Variants in ACLY observed in about 807,000 individuals in gnomAD.
The protein encoded by ACLY is ATP-citrate synthase.
A neutral mutation model predicts 133.0 loss-of-function variants in ACLY; 41 were observed. That is an observed-to-expected ratio of 0.31 (90% CI 0.24 to 0.40). The LOEUF (loss-of-function observed/expected upper bound fraction) is 0.40, where lower values mean the gene tolerates loss of function less well. Ranked by LOEUF, ACLY falls within the 10% of genes least tolerant of loss-of-function variation. The probability of loss-of-function intolerance (pLI) is 1.00; values close to 1 mark genes in which losing one functional copy is unlikely to be tolerated. For missense variants in ACLY, 1,046 were observed against 1,453.8 expected (o/e 0.72, Z 4.56); for synonymous variants, 495 against 549.3 (o/e 0.90, Z 1.38).
rs782687474 is a variant in ACLY, at chr17:41,887,610, C to T, written c.1864G>A (p.Gly622Arg). 1.9e-6 allele frequency: 3 copies of T among 1,613,514 alleles called. No individual in the cohort carries two copies. Among genetic ancestry groups the T allele is most frequent in the Non-Finnish European group, 1.7e-6 (2 of 1,179,726 alleles). ...KADQKGVTII[G>R]PATVGGIKPG... Reference sequence around the variant, plus strand: ...GAGGGGAAGCTCACAGTGGCAGGTCCGATGATGGTCACTCCCTTCTGGTCC... The same window carrying T: ...GAGGGGAAGCTCACAGTGGCAGGTCTGATGATGGTCACTCCCTTCTGGTCC... Residue 622 changes from glycine (G) to arginine (R), a missense_variant, in exon 17 of 29, where the codon GGA (glycine) becomes AGA (arginine). Gly to Arg is a moderately radical substitution (Grantham distance 125). Around this residue, in one of 4 missense-constraint regions of ACLY, gnomAD observed 575 missense variants for 804.2 expected, o/e 0.71. Transcript: ENST00000352035.
chr17:41,901,578 C>T (rs1598021601), intron 11 of ACLY, 118 bp downstream of exon 11: 1 of 836,878 alleles, frequency 1.2e-6, no homozygotes, highest in Non-Finnish European at 1.9e-6. Context: ...AAACTGCACA[C>T]CCAGGAAGGG....
At position 41,926,932 on chromosome 17, in the gene ACLY, G is replaced by A. The variant is rs570496063; in HGVS notation, c.-28+3426C>T. Among the ~76,000 whole-genome samples the A allele has an allele frequency of 8.6e-5, 13 of 151,904 alleles. No homozygotes were observed. The South Asian group carries it at 1.9e-3, about 22-fold the overall frequency. On this transcript the variant is annotated intron_variant, in intron 1 of 3. Coordinates refer to the ACLY transcript ENST00000592970. ...TGCCCAGGCTGGAGTGCAATGGCAC[G>A]ATCTTGGCTCATCACAACCTCCGCC... is the stretch of plus-strand genomic sequence containing the variant.
chr17:41,885,036 A>T (rs1001513611), intron 18 of ACLY, among the ~76,000 whole-genome samples: 4 of 151,054 alleles, frequency 2.6e-5, no homozygotes, highest in Admixed American at 1.3e-4. Flanking sequence ...CATCCGGCTA[A>T]TTTTTTTTTG....
Position 41,893,052 on chromosome 17 carries a change from C to A in ACLY, c.1582G>T (p.Ala528Ser). The A allele has an allele frequency of 1.2e-6, 2 of 1,613,786 alleles. No homozygotes were observed. The highest frequency in any genetic ancestry group is 2.2e-5 in the South Asian group (2 of 91,012). ...ACTCACGTGAAAGGGTAGACCATGG[C>A]AGCCACTGAGGGCTCGTCTCGGGAG... The part of the protein sequence containing the change: ...VCSRDEPSVA[A>S]MVYPFTGDHK... The change falls in exon 15 of 29, where the codon GCC (alanine) becomes TCC (serine). Residue 528 changes from alanine (A) to serine (S), a missense_variant. This residue lies in a region of ACLY where 575 missense variants were observed against 804.2 expected (regional missense o/e 0.71). Coordinates refer to ENST00000352035, the MANE Select transcript of ACLY (RefSeq NM_001096.3).
intron 25 of ACLY, among the ~76,000 whole-genome samples, chr17:41,869,797 A>G (rs1443382015): frequency 6.6e-6 from 1 of 152,178 alleles, no homozygotes; most frequent in African/African-American, 2.4e-5. Context: ...GACACAAAAC[A>G]ACCTTGGTAG....
chr17:41,874,081 C>G (rs2048667783), intron 22 of ACLY, 116 bp from the exon 23 acceptor site: 1 of 1,115,964 alleles, frequency 9.0e-7, no homozygotes, highest in Non-Finnish European at 1.2e-6. Flanking sequence ...GTCGTAAACT[C>G]TGGCAGCCAA....
chr17:41,908,157 A>G (rs2049782531), intron 6 of ACLY, among the ~76,000 whole-genome samples: 1 of 152,208 alleles, frequency 6.6e-6, no homozygotes, highest in South Asian at 2.1e-4. Context: ...GAGGGGCTGC[A>G]TCCTCAGCTG....
At chr17:41,925,616 T>C (rs2050234374) in intron 1 of ACLY, among the ~76,000 whole-genome samples, 1 of 151,748 alleles carries the variant, frequency 6.6e-6, no homozygotes, top group South Asian at 2.1e-4. Context: ...AAATAAATAA[T>C]AAATAAATAA....
At chr17:41,873,367 GA>G (rs1269682469) in intron 23 of ACLY, among the ~76,000 whole-genome samples, 1 of 152,086 alleles carries the variant, frequency 6.6e-6, no homozygotes, top group Non-Finnish European at 1.5e-5. Flanking sequence ...TTTTAGTAGA[GA>G]TGGGGTTTCA....
intron 11 of ACLY, among the ~76,000 whole-genome samples, chr17:41,901,034 A>T (rs1298567234): frequency 6.6e-5 from 10 of 151,456 alleles, no homozygotes; most frequent in African/African-American, 9.7e-5. Flanking sequence ...GGCTCACTGC[A>T]GCCTCAACCT....
At chr17:41,925,238 C>T (rs2050228886) in intron 1 of ACLY, among the ~76,000 whole-genome samples, 1 of 151,332 alleles carries the variant, frequency 6.6e-6, no homozygotes, top group Non-Finnish European at 1.5e-5. Flanking sequence ...CAACTGCCCT[C>T]CACCCTGGGC....
At chr17:41,889,264 A>AT (rs1236500684) in intron 16 of ACLY, among the ~76,000 whole-genome samples, 7 of 152,036 alleles carry the variant, frequency 4.6e-5, no homozygotes, top group African/African-American at 1.7e-4. Context: ...CACGCCTGTA[A>AT]TATCAGCACT....
In ACLY at chr17:41,896,632, T is replaced by C; in HGVS notation, c.1447A>G (p.Arg483Gly). 1.3e-6 allele frequency: 2 copies of C among 1,570,756 alleles called. No individual in the cohort carries two copies. The highest frequency in any genetic ancestry group is 1.7e-6 in the Non-Finnish European group (2 of 1,157,656). The change falls in exon 14 of 29, where the codon AGA becomes GGA. Residue 483 changes from arginine to glycine, a missense_variant. This residue lies in a region of ACLY where 575 missense variants were observed against 804.2 expected (regional missense o/e 0.71). Transcript: ENST00000352035. The stretch of plus-strand genomic sequence containing the variant: ...GGGGGCATCCTACCTTGCAGGGATC[T>C]TGGACTTGGGACTGAATCTGTCAAA... ...AMPQDSVPSP[R>G]SLQGKSTTLF...
chr17:41,872,758 T>A lies in ACLY; in HGVS notation c.2643-576A>T, dbSNP rs113543903. On this transcript the variant is annotated intron_variant, in intron 23 of 28. Coordinates refer to ENST00000352035, the MANE Select transcript of ACLY (RefSeq NM_001096.3). ...TGTGGCTATGCTCCATGTGCCAGAC[T>A]GACAGGAGGTGAGAACCCTGTCCCT... is the stretch of plus-strand genomic sequence containing the variant. 9.8e-4 allele frequency among the ~76,000 whole-genome samples: 149 copies of A among 152,358 alleles called. 2 individuals are homozygous for A. The highest frequency in any genetic ancestry group is 3.4e-3 in the African/African-American group (141 of 41,574).
chr17:41,905,727 G>T, intron 8 of ACLY, 69 bp from the exon 9 acceptor site: 1 of 1,587,840 alleles, frequency 6.3e-7, no homozygotes, highest in Non-Finnish European at 8.6e-7. Context: ...TGGTGCCTGG[G>T]AGGACACACG....
At chr17:41,908,082 C>A (rs2049779585) in intron 6 of ACLY, among the ~76,000 whole-genome samples, 1 of 152,142 alleles carries the variant, frequency 6.6e-6, no homozygotes. Context: ...CACTGGACAC[C>A]CATCTTCCTC....
intron 18 of ACLY, among the ~76,000 whole-genome samples, chr17:41,885,086 C>T (rs543258388): frequency 3.0e-4 from 45 of 152,198 alleles, no homozygotes; most frequent in African/African-American, 1.1e-3. Flanking sequence ...GACTGTGTTG[C>T]CTCAGCTAGT....
chr17:41,868,329 T>G (rs1597959114), intron 28 of ACLY, among the ~76,000 whole-genome samples: 1 of 149,776 alleles, frequency 6.7e-6, no homozygotes, highest in Non-Finnish European at 1.5e-5. Context: ...TCCCAGCTGC[T>G]TGGGAGGCTG....
At chr17:41,905,192 G>C (rs1443932240) in intron 9 of ACLY, among the ~76,000 whole-genome samples, 1 of 152,190 alleles carries the variant, frequency 6.6e-6, no homozygotes, top group Admixed American at 6.5e-5. Flanking sequence ...GGGTCACTGA[G>C]TTTATTGCAA....
Sources: allele counts gnomAD v4.1 joint callset (sites outside exome capture counted in the v4.1 genomes callset), GRCh38; gene constraint gnomAD v4.1.1; regional missense constraint gnomAD v4.1.1; transcripts MANE v1.5; gene names NCBI Gene and HGNC (gene_info 2026-07-23, HGNC 2026-07-21).